Variants in CCDC127 observed in about 807,000 individuals in gnomAD.
CCDC127 encodes coiled-coil domain-containing protein 127.
Under a neutral mutation model 4.1 loss-of-function variants are expected in CCDC127, and 2 were observed. That is an observed-to-expected ratio of 0.49 (90% CI 0.20 to 1.53). The LOEUF (loss-of-function observed/expected upper bound fraction) is 1.53, where lower values mean the gene tolerates loss of function less well. CCDC127 is among the 40% of genes most tolerant of loss of function. The pLI, the probability that CCDC127 is intolerant of heterozygous loss-of-function variation, is 0.23. For synonymous variants in CCDC127, 98 were observed against 120.4 expected, an observed-to-expected ratio of 0.81 and a Z score of 1.22; for missense variants, 271 against 322.9, an observed-to-expected ratio of 0.84 and a Z score of 1.23.
chr5:205,323 C>T lies in CCDC127; in HGVS notation c.757G>A (p.Val253Ile). 1 of 1,610,680 alleles carries T rather than the reference C, an allele frequency of 6.2e-7. No individual in the cohort carries two copies. The highest frequency in any genetic ancestry group is 8.5e-7 in the Non-Finnish European group (1 of 1,177,726). The change falls in exon 3 of 3, where the codon GTA (valine) becomes ATA (isoleucine). Residue 253 changes from valine (V) to isoleucine (I), a missense_variant. This residue lies in a region of CCDC127 where 265 missense variants were observed against 270.9 expected (regional missense o/e 0.98). Coordinates refer to ENST00000296824, the MANE Select transcript of CCDC127 (RefSeq NM_145265.3). ...LVVELKKFKR[V>I]EEAILEK The stretch of plus-strand genomic sequence containing the variant: ...TACTTTTCTAGTATGGCTTCCTCTA[C>T]TCTCTTAAACTTCTTCAGTTCGACA...
rs1229928089 is a variant in CCDC127 at position 197,076 on chromosome 5, AG to A, written c.*8220del. Reference sequence around the variant, plus strand: ...CTATGTCGTAATTAAGTTCAAGGGAAGGTACTATGCCTGGACGTGCACGTAG... The same window carrying A: ...CTATGTCGTAATTAAGTTCAAGGGAAGTACTATGCCTGGACGTGCACGTAG... On this transcript the variant is annotated 3_prime_UTR_variant, in exon 3 of 3. Transcript: ENST00000296824. 3 of 151,232 alleles carry A rather than the reference AG, an allele frequency of 2.0e-5. No homozygotes were observed. Among genetic ancestry groups the A allele is most frequent in the Non-Finnish European group, 4.4e-5 (3 of 67,844 alleles). 9.4% of individuals were successfully genotyped at this position (151,232 alleles called of 1,614,324 possible).
At position 197,239 on chromosome 5, in the gene CCDC127, G is replaced by T. The variant is rs1733974345; in HGVS notation, c.*8058C>A. 6.6e-6 allele frequency: 1 copy of T among 152,198 alleles called. No homozygotes were observed. The highest frequency in any genetic ancestry group is 1.5e-5 in the Non-Finnish European group (1 of 68,020). 9.4% of individuals were successfully genotyped at this position (152,198 alleles called of 1,614,324 possible). On this transcript the variant is annotated 3_prime_UTR_variant, in exon 3 of 3. Transcript: ENST00000296824. Reference sequence around the variant, plus strand: ...TCAGAGTTGAACAAATGTACAATCGGGTTTTACACCGCGACATTCAGTTCC... The same window carrying T: ...TCAGAGTTGAACAAATGTACAATCGTGTTTTACACCGCGACATTCAGTTCC...
intron 2 of CCDC127, among the ~76,000 whole-genome samples, chr5:210,307 T>C (rs984664777): frequency 6.6e-6 from 1 of 152,070 alleles, no homozygotes; most frequent in Non-Finnish European, 1.5e-5. Context: ...TTCATCAAAA[T>C]TACAACTTTT....
At chr5:206,049 T>C (rs935760752) in intron 2 of CCDC127, 91 bp from the exon 3 acceptor site, 1 of 1,212,022 alleles carries the variant, frequency 8.3e-7, no homozygotes, top group Non-Finnish European at 1.2e-6. Flanking sequence ...CTAAGGATAG[T>C]GTTTCAGTAA....
rs1449062529 is a variant in CCDC127, at chr5:197,031, A to AT, written c.*8265_*8266insA. The AT allele has an allele frequency of 1.4e-5, 2 of 146,052 alleles. No homozygotes were observed. The highest frequency in any genetic ancestry group is 2.1e-4 in the South Asian group (1 of 4,680). 9.0% of individuals were successfully genotyped at this position (146,052 alleles called of 1,614,324 possible). ...GTGATAATAAGGAGGAGGTCAGCAA[A>AT]AACGTGTGAGCAAAAGAATCTATGT... On this transcript the variant is annotated 3_prime_UTR_variant, in exon 3 of 3. Coordinates refer to ENST00000296824, the MANE Select transcript of CCDC127 (RefSeq NM_145265.3).
Position 197,462 on chromosome 5 carries a change from TC to T in CCDC127, c.*7834del, listed in dbSNP as rs1198592920. On this transcript the variant is annotated 3_prime_UTR_variant, in exon 3 of 3. Coordinates refer to ENST00000296824, the MANE Select transcript of CCDC127 (RefSeq NM_145265.3). Reference sequence around the variant, plus strand: ...AATACCCGGCTTTCAAGGGCAGAGGTCCCTGCGGCTTTCCGCAGTGCATTGT... The same window carrying T: ...AATACCCGGCTTTCAAGGGCAGAGGTCCTGCGGCTTTCCGCAGTGCATTGT... 2 of 152,178 alleles carry T rather than the reference TC, an allele frequency of 1.3e-5. No individual in the cohort carries two copies. Among genetic ancestry groups the T allele is most frequent in the African/African-American group, 4.8e-5 (2 of 41,416 alleles). The allele number at this position is 152,178 out of a possible 1,614,324, so 9.4% of individuals were successfully genotyped here.
chr5:208,864 T>C (rs1224354896), intron 2 of CCDC127, among the ~76,000 whole-genome samples: 1 of 152,148 alleles, frequency 6.6e-6, no homozygotes. Flanking sequence ...AAATCACTCC[T>C]AGTACCAAGG....
rs900021488 is a variant in CCDC127, at chr5:197,088, T to C, written c.*8209A>G. 6.6e-6 allele frequency: 1 copy of C among 152,034 alleles called. No individual in the cohort carries two copies. The highest frequency in any genetic ancestry group is 2.4e-5 in the African/African-American group (1 of 41,324). 9.4% of individuals were successfully genotyped at this position (152,034 alleles called of 1,614,324 possible). ...TAAGTTCAAGGGAAGGTACTATGCC[T>C]GGACGTGCACGTAGGCCAGATTTAT... On this transcript the variant is annotated 3_prime_UTR_variant, in exon 3 of 3. Coordinates refer to ENST00000296824, the MANE Select transcript of CCDC127 (RefSeq NM_145265.3).
chr5:207,625 G>A (rs1008500340), intron 2 of CCDC127, among the ~76,000 whole-genome samples: 1 of 152,190 alleles, frequency 6.6e-6, no homozygotes, highest in African/African-American at 2.4e-5. Context: ...TGGGGACGGG[G>A]CTTATGTCAA....
Position 197,299 on chromosome 5 carries a change from T to TC in CCDC127, c.*7997dup, listed in dbSNP as rs1199917233. 5.3e-5 allele frequency: 8 copies of TC among 152,206 alleles called. No homozygotes were observed. The highest frequency in any genetic ancestry group is 1.7e-4 in the African/African-American group (7 of 41,450). 9.4% of individuals were successfully genotyped at this position (152,206 alleles called of 1,614,324 possible). A position where few individuals can be genotyped will look rare whatever the true frequency, so the allele number is the denominator to read the frequency against. On this transcript the variant is annotated 3_prime_UTR_variant, in exon 3 of 3. Transcript: ENST00000296824. ...GCAGGAGACAGTGGACTTCTCTCTC[T>TC]CAACTGCAAGAGGCTTTCGTCTTTT...
At position 204,729 on chromosome 5, in the gene CCDC127, A is replaced by C. The variant is rs1017763373; in HGVS notation, c.*568T>G. ...CATTAGGTAACAACTGCATACAACAAACACACATTAAGTAACAACTGGATA... is the reference window on the plus strand; with the variant it reads ...CATTAGGTAACAACTGCATACAACACACACACATTAAGTAACAACTGGATA... On this transcript the variant is annotated 3_prime_UTR_variant, in exon 3 of 3. Coordinates refer to ENST00000296824, the MANE Select transcript of CCDC127 (RefSeq NM_145265.3). The C allele has an allele frequency of 6.6e-6, 1 of 152,358 alleles. No individual in the cohort carries two copies. The highest frequency in any genetic ancestry group is 6.5e-5 in the Admixed American group (1 of 15,290). 9.4% of individuals were successfully genotyped at this position (152,358 alleles called of 1,614,324 possible).
At chr5:216,686 T>C in intron 2 of CCDC127, 43 bp downstream of exon 2, 1 of 1,613,006 alleles carries the variant, frequency 6.2e-7, no homozygotes, top group Non-Finnish European at 8.5e-7. Flanking sequence ...GGCTCCACAC[T>C]CTCAGCCTGG....
rs1434966223 is a variant in CCDC127, at chr5:204,153, A to C, written c.*1144T>G. On this transcript the variant is annotated 3_prime_UTR_variant, in exon 3 of 3. Transcript: ENST00000296824. Reference sequence around the variant, plus strand: ...TTAATAGTTAGGTGTGTCCTGTATGACTCCAGGGAGTGGATCCTGGGGTGT... The same window carrying C: ...TTAATAGTTAGGTGTGTCCTGTATGCCTCCAGGGAGTGGATCCTGGGGTGT... 1 of 152,096 alleles carries C rather than the reference A, an allele frequency of 6.6e-6. No individual in the cohort carries two copies. The highest frequency in any genetic ancestry group is 2.4e-5 in the African/African-American group (1 of 41,382). 9.4% of individuals were successfully genotyped at this position (152,096 alleles called of 1,614,324 possible). A position where few individuals can be genotyped will look rare whatever the true frequency, so the allele number is the denominator to read the frequency against.
At position 205,710 on chromosome 5, in the gene CCDC127, G is replaced by A. The variant is rs1464897931; in HGVS notation, c.370C>T (p.Arg124Trp). The change falls in exon 3 of 3, where the codon CGG becomes TGG. Residue 124 changes from arginine to tryptophan, a missense_variant. Physicochemically the swap from Arg to Trp is moderately radical, Grantham distance 101. Coordinates refer to ENST00000296824, the MANE Select transcript of CCDC127 (RefSeq NM_145265.3). ...CTTTTTTCTTGCATCACCTGGGCCC[G>A]TTCCTGTTCCAGAAGCTTCTTTTCT... Reference protein sequence around the residue: ...VEEKKLLEQERAQVMQEKRQV... With the variant: ...VEEKKLLEQEWAQVMQEKRQV... 5.6e-6 allele frequency: 9 copies of A among 1,614,086 alleles called. No individual in the cohort carries two copies. Among genetic ancestry groups the A allele is most frequent in the South Asian group, 4.4e-5 (4 of 91,066 alleles).
chr5:197,134 C>T lies in CCDC127; in HGVS notation c.*8163G>A, dbSNP rs935496750. 1 of 152,096 alleles carries T rather than the reference C, an allele frequency of 6.6e-6. No homozygotes were observed. The highest frequency in any genetic ancestry group is 2.4e-5 in the African/African-American group (1 of 41,386). The allele number at this position is 152,096 out of a possible 1,614,324, so 9.4% of individuals were successfully genotyped here. On this transcript the variant is annotated 3_prime_UTR_variant, in exon 3 of 3. Transcript: ENST00000296824. ...TTTATGTTTCTCTCCACCCAAACATCTCAGCAGAGTAAAGAATAACAAGGC... is the reference window on the plus strand; with the variant it reads ...TTTATGTTTCTCTCCACCCAAACATTTCAGCAGAGTAAAGAATAACAAGGC...
At chr5:213,729 A>G (rs1734322565) in intron 2 of CCDC127, among the ~76,000 whole-genome samples, 1 of 152,272 alleles carries the variant, frequency 6.6e-6, no homozygotes, top group Admixed American at 6.5e-5. Context: ...GAAACCGATC[A>G]GCTCTGCATT....
chr5:213,246 G>C (rs1734309106), intron 2 of CCDC127, among the ~76,000 whole-genome samples: 1 of 83,348 alleles, frequency 1.2e-5, no homozygotes, highest in Non-Finnish European at 2.1e-5. Flanking sequence ...CGGGACAGCA[G>C]TGTGAGCACA....
chr5:211,194 C>G (rs1734279126), intron 2 of CCDC127, among the ~76,000 whole-genome samples: 1 of 122,580 alleles, frequency 8.2e-6, no homozygotes, highest in Admixed American at 7.6e-5. Context: ...GCAGTGTGAG[C>G]ACGCTGATGC....
At chr5:214,867 A>C (rs1374693563) in intron 2 of CCDC127, 1 of 152,124 alleles carries the variant, frequency 6.6e-6, no homozygotes, top group Non-Finnish European at 1.5e-5. Flanking sequence ...GTCTCTACTA[A>C]AAATACAAAA....
Sources: gnomAD v4.1 joint callset for allele counts (sites outside exome capture counted in the v4.1 genomes callset) on GRCh38, gnomAD v4.1.1 for gene constraint, gnomAD v4.1.1 regional missense constraint, MANE v1.5 for transcripts, NCBI Gene and HGNC (gene_info 2026-07-23, HGNC 2026-07-21) for gene names.